TMEM131L: variants seen among roughly 807,000 people sequenced by gnomAD.
The protein encoded by TMEM131L is transmembrane protein 131-like.
In TMEM131L, 54 loss-of-function variants were observed where a neutral mutation model predicts 192.2. The ratio of observed to expected loss-of-function variants is 0.28; its 90% CI spans 0.23 to 0.35. The LOEUF (loss-of-function observed/expected upper bound fraction) is 0.35. Among genes scored for constraint, TMEM131L ranks in the 10% least tolerant of loss-of-function variants. TMEM131L has a pLI of 1.00. For missense variants in TMEM131L, 1,888 were observed against 1,972.9 expected, an observed-to-expected ratio of 0.96 and a Z score of 0.82; for synonymous variants, 701 against 704.9, an observed-to-expected ratio of 0.99 and a Z score of 0.09.
chr4:153,593,477 CTTT>C (rs199645366), intron 18 of TMEM131L, among the ~76,000 whole-genome samples: 1 of 151,442 alleles, frequency 6.6e-6, no homozygotes, highest in Non-Finnish European at 1.5e-5. Context: ...TTGAGAGTCA[CTTT>C]TTTTTTCAAA....
chr4:153,604,453 T>C, intron 25 of TMEM131L, 23 bp downstream of exon 25: 2 of 1,577,360 alleles, frequency 1.3e-6, no homozygotes, highest in Non-Finnish European at 1.7e-6. Context: ...TCCCCTTTGA[T>C]AATTCTCTCC....
chr4:153,523,408 A>C (rs777099258), intron 3 of TMEM131L, among the ~76,000 whole-genome samples: 2 of 152,220 alleles, frequency 1.3e-5, no homozygotes, highest in Non-Finnish European at 2.9e-5. Flanking sequence ...TCATTTTAGG[A>C]ATGAATGGAG....
At chr4:153,545,995 A>G (rs895147320) in intron 3 of TMEM131L, among the ~76,000 whole-genome samples, 6 of 151,896 alleles carry the variant, frequency 4.0e-5, no homozygotes, top group African/African-American at 1.5e-4. Context: ...GGGATCTTCC[A>G]CCTCAGCCTC....
chr4:153,594,149 C>T (rs1187203525), intron 19 of TMEM131L, among the ~76,000 whole-genome samples: 5 of 152,132 alleles, frequency 3.3e-5, no homozygotes, highest in Admixed American at 3.3e-4. Flanking sequence ...AACCATGAAA[C>T]TTGAGACCCC....
At chr4:153,571,683 C>CA (rs1176301571) in intron 7 of TMEM131L, among the ~76,000 whole-genome samples, 25 of 152,320 alleles carry the variant, frequency 1.6e-4, no homozygotes, top group Admixed American at 1.6e-3. Context: ...CCTCAGCCTC[C>CA]TGAGTAGCTG....
chr4:153,500,045 C>G (rs1733481806), intron 3 of TMEM131L, among the ~76,000 whole-genome samples: 1 of 151,958 alleles, frequency 6.6e-6, no homozygotes, highest in African/African-American at 2.4e-5. Context: ...TCCTTCCTCC[C>G]TTCCTCCCTT....
chr4:153,532,413 G>A (rs896937937), intron 3 of TMEM131L, among the ~76,000 whole-genome samples: 9 of 151,258 alleles, frequency 6.0e-5, no homozygotes, highest in African/African-American at 1.2e-4. Flanking sequence ...GGAGTCTGGC[G>A]TGTGTGCTTA....
chr4:153,573,307 C>T (rs1161130757), intron 7 of TMEM131L, among the ~76,000 whole-genome samples: 1 of 152,262 alleles, frequency 6.6e-6, no homozygotes, highest in Non-Finnish European at 1.5e-5. Flanking sequence ...CCATGCTACT[C>T]AAGGTCAAGC....
intron 34 of TMEM131L, 22 bp from the exon 35 acceptor site, chr4:153,636,279 T>C (rs752415741): frequency 6.2e-5 from 98 of 1,586,592 alleles, no homozygotes; most frequent in Non-Finnish European, 8.2e-5. Context: ...AACTTATTTT[T>C]CCTTCCTCAT....
intron 3 of TMEM131L, among the ~76,000 whole-genome samples, chr4:153,528,207 C>T (rs1006249410): frequency 3.3e-4 from 50 of 152,210 alleles, no homozygotes; most frequent in South Asian, 6.2e-4. Flanking sequence ...ATTATTTAGT[C>T]GTAAAAATGG....
At chr4:153,530,522 C>T (rs1291681298) in intron 3 of TMEM131L, among the ~76,000 whole-genome samples, 2 of 152,164 alleles carry the variant, frequency 1.3e-5, no homozygotes, top group Non-Finnish European at 2.9e-5. Flanking sequence ...AAAGAGAATG[C>T]TGCATAGGCG....
chr4:153,567,763 G>A (rs549110053), intron 7 of TMEM131L, among the ~76,000 whole-genome samples: 3 of 152,126 alleles, frequency 2.0e-5, no homozygotes, highest in Admixed American at 6.5e-5. Flanking sequence ...GGCTGGTCTC[G>A]AACTTCTGAC....
chr4:153,522,742 G>A (rs1362801789), intron 3 of TMEM131L, among the ~76,000 whole-genome samples: 1 of 152,180 alleles, frequency 6.6e-6, no homozygotes, highest in East Asian at 1.9e-4. Flanking sequence ...TGCCCAGAAG[G>A]TGGTCATTCC....
chr4:153,497,878 CAAAAAAAAAA>C (rs200874155), intron 3 of TMEM131L, among the ~76,000 whole-genome samples: 4 of 70,344 alleles, frequency 5.7e-5, no homozygotes, highest in Non-Finnish European at 9.1e-5. Context: ...GAAAAATTTC[CAAAAAAAAAA>C]AAAAAAAAAA....
In TMEM131L at chr4:153,583,193, A is replaced by T. The variant is rs1730478597; in HGVS notation, c.896A>T (p.Asp299Val). The part of the protein sequence containing the change: ...VATDESETSD[D>V]SAVNMYILHS... The stretch of plus-strand genomic sequence containing the variant: ...ATACTCTGATTCTTTTGGACAGATG[A>T]TTCAGCAGTAAATATGTATATATTA... The change falls in exon 10 of 35, where the codon GAT becomes GTT. Residue 299 changes from aspartate (D) to valine (V), a missense_variant. Asp to Val is a radical substitution (Grantham distance 152). Transcript: ENST00000409959. 13 of 1,428,708 alleles carry T rather than the reference A, an allele frequency of 9.1e-6. No individual in the cohort carries two copies. Among genetic ancestry groups the T allele is most frequent in the Non-Finnish European group, 1.3e-5 (13 of 1,011,254 alleles). 88.5% of individuals were successfully genotyped at this position (1,428,708 alleles called of 1,614,324 possible). A position where few individuals can be genotyped will look rare whatever the true frequency, so the allele number is the denominator to read the frequency against.
chr4:153,584,896 A>G lies in TMEM131L; in HGVS notation c.1122A>G (p.Thr374=). Residue 374 remains threonine, a synonymous_variant, in exon 12 of 35, where the codon ACA becomes ACG. Coordinates refer to ENST00000409959, the MANE Select transcript of TMEM131L (RefSeq NM_001131007.2). ...EDVKKTTHTP[T]LKACLFSSVA... ...TGAAGAAAACAACACACACTCCAAC[A>G]CTAAAAGCATGCCTCTTCTCTTCTG... The G allele has an allele frequency of 6.2e-7, 1 of 1,614,080 alleles. No homozygotes were observed. Among genetic ancestry groups the G allele is most frequent in the Non-Finnish European group, 8.5e-7 (1 of 1,179,918 alleles).
At chr4:153,488,073 C>T (rs1283820247) in intron 3 of TMEM131L, among the ~76,000 whole-genome samples, 1 of 146,418 alleles carries the variant, frequency 6.8e-6, no homozygotes, top group Non-Finnish European at 1.5e-5. Context: ...TTGAGAGAGA[C>T]CCTGGTGAGC....
At chr4:153,513,014 C>A (rs143852064) in intron 3 of TMEM131L, among the ~76,000 whole-genome samples, 29 of 152,224 alleles carry the variant, frequency 1.9e-4, no homozygotes, top group Non-Finnish European at 4.3e-4. Context: ...AGGTACTATA[C>A]CCTTCATCTT....
intron 3 of TMEM131L, among the ~76,000 whole-genome samples, chr4:153,518,278 C>T (rs1026727962): frequency 1.1e-4 from 16 of 152,180 alleles, no homozygotes; most frequent in Admixed American, 7.9e-4. Context: ...CCTCATTTCC[C>T]GAGCACTTCT....
Sources: allele counts gnomAD v4.1 joint callset (sites outside exome capture counted in the v4.1 genomes callset), GRCh38; gene constraint gnomAD v4.1.1; transcripts MANE v1.5; gene names NCBI Gene and HGNC (gene_info 2026-07-23, HGNC 2026-07-21).